Variants in PTPRD observed in about 807,000 individuals in gnomAD.
PTPRD encodes receptor-type tyrosine-protein phosphatase delta.
In PTPRD, 34 loss-of-function variants were observed where a neutral mutation model predicts 214.5. The observed-to-expected ratio is 0.16, with a 90% CI of 0.12 to 0.21. The LOEUF is 0.21. Among genes scored for constraint, PTPRD ranks in the 10% least tolerant of loss-of-function variants. The probability of loss-of-function intolerance (pLI) is 1.00; values close to 1 mark genes in which losing one functional copy is unlikely to be tolerated. For missense variants in PTPRD, 2,545 were observed against 2,398.7 expected (o/e 1.06, Z -1.27); for synonymous variants, 1,128 against 845.7 (o/e 1.33, Z -5.79).
intron 39 of PTPRD, among the ~76,000 whole-genome samples, chr9:8,370,759 C>T (rs909887936): frequency 6.6e-6 from 1 of 151,998 alleles, no homozygotes; most frequent in Non-Finnish European, 1.5e-5. Context: ...GAAAGGGGAG[C>T]TAAAAACCAT....
At chr9:10,141,541 C>G (rs1395569112) in intron 3 of PTPRD, among the ~76,000 whole-genome samples, 14 of 152,186 alleles carry the variant, frequency 9.2e-5, no homozygotes, top group African/African-American at 3.1e-4. Flanking sequence ...ATTCAACTTA[C>G]AAGGGATGTG....
chr9:9,657,622 AAAAAAG>A (rs2096544850), intron 7 of PTPRD, among the ~76,000 whole-genome samples: 1 of 152,216 alleles, frequency 6.6e-6, no homozygotes, highest in Non-Finnish European at 1.5e-5. Context: ...ATAAATAAGT[AAAAAAG>A]AAAAAGAAAA....
At chr9:9,054,367 G>A (rs1188416531) in intron 10 of PTPRD, among the ~76,000 whole-genome samples, 3 of 152,098 alleles carry the variant, frequency 2.0e-5, no homozygotes, top group South Asian at 2.1e-4. Context: ...AGACTTCTCT[G>A]GAAAGCTTAA....
chr9:9,495,310 C>CA (rs541722358), intron 8 of PTPRD, among the ~76,000 whole-genome samples: 3,634 of 84,482 alleles, frequency 0.043, 112 homozygotes, highest in African/African-American at 0.12. Flanking sequence ...ACCTTCAAGC[C>CA]AAAAAAAAAA....
At chr9:9,090,208 T>G (rs74909128) in intron 10 of PTPRD, among the ~76,000 whole-genome samples, 6,921 of 152,260 alleles carry the variant, frequency 0.045, 272 homozygotes, top group African/African-American at 0.11. Context: ...TTCATCTCCC[T>G]GGCCCTCCAT....
At chr9:8,525,064 G>T in intron 17 of PTPRD, 29 bp from the exon 18 acceptor site, 1 of 1,561,168 alleles carries the variant, frequency 6.4e-7, no homozygotes, top group Non-Finnish European at 8.8e-7. Flanking sequence ...TATTGCCAAA[G>T]AGATGATCAG....
At chr9:8,539,904 T>A (rs1302265775) in intron 14 of PTPRD, among the ~76,000 whole-genome samples, 1 of 152,028 alleles carries the variant, frequency 6.6e-6, no homozygotes, top group Non-Finnish European at 1.5e-5. Context: ...TAAGAACAAC[T>A]GGAAAAATGT....
chr9:9,407,866 T>G (rs557006132), intron 8 of PTPRD, among the ~76,000 whole-genome samples: 20 of 151,970 alleles, frequency 1.3e-4, no homozygotes, highest in Middle Eastern at 3.4e-3. Context: ...TTTCCTTTCC[T>G]CTCACGTAAT....
At chr9:8,900,741 A>G (rs1439214426) in intron 11 of PTPRD, among the ~76,000 whole-genome samples, 2 of 152,226 alleles carry the variant, frequency 1.3e-5, no homozygotes, top group African/African-American at 4.8e-5. Context: ...GAATAAACCA[A>G]ATTAGCACTG....
intron 5 of PTPRD, among the ~76,000 whole-genome samples, chr9:9,927,456 A>T (rs572334115): frequency 2.0e-5 from 3 of 152,062 alleles, no homozygotes; most frequent in Admixed American, 6.6e-5. Flanking sequence ...CATCTGCCCT[A>T]TTGGATTTAT....
At chr9:9,343,465 T>C (rs1041583765) in intron 9 of PTPRD, among the ~76,000 whole-genome samples, 4 of 152,310 alleles carry the variant, frequency 2.6e-5, no homozygotes, top group South Asian at 2.1e-4. Context: ...TGCATTTCTC[T>C]AATGACCAGT....
Position 10,067,966 on chromosome 9 carries a change from T to C in PTPRD, c.-544-34176A>G, listed in dbSNP as rs561070335. Among the ~76,000 whole-genome samples, 4 of 152,044 alleles carry C rather than the reference T, an allele frequency of 2.6e-5. No homozygotes were observed. In the South Asian group the frequency reaches 8.3e-4, roughly 32 times the overall value. On this transcript the variant is annotated intron_variant, in intron 3 of 45. Transcript: ENST00000381196. ...TTGGGAAGAGATGGCTCTTGGGATT[T>C]TGTGCTAGCTGACTCCAGCGCCACA... is the stretch of plus-strand genomic sequence containing the variant.
At chr9:9,326,411 C>T (rs1191558536) in intron 9 of PTPRD, among the ~76,000 whole-genome samples, 3 of 151,934 alleles carry the variant, frequency 2.0e-5, no homozygotes, top group African/African-American at 7.2e-5. Context: ...ATAAAAGTTG[C>T]TGTGCATATA....
intron 11 of PTPRD, among the ~76,000 whole-genome samples, chr9:8,906,542 A>C (rs995217479): frequency 2.0e-5 from 3 of 152,230 alleles, no homozygotes; most frequent in Non-Finnish European, 4.4e-5. Flanking sequence ...TGTAAGAAAT[A>C]TTTAAAAATT....
At chr9:9,312,865 T>C (rs773403361) in intron 9 of PTPRD, among the ~76,000 whole-genome samples, 6 of 152,214 alleles carry the variant, frequency 3.9e-5, no homozygotes, top group Non-Finnish European at 7.3e-5. Flanking sequence ...TACTTGTGAT[T>C]GTTTATTTTT....
At chr9:9,417,997 C>G (rs2077481083) in intron 8 of PTPRD, among the ~76,000 whole-genome samples, 1 of 152,038 alleles carries the variant, frequency 6.6e-6, no homozygotes, top group Non-Finnish European at 1.5e-5. Flanking sequence ...AAAGTTTTCG[C>G]TACTCTCCAC....
At chr9:9,626,769 T>G (rs952319304) in intron 7 of PTPRD, among the ~76,000 whole-genome samples, 2 of 152,150 alleles carry the variant, frequency 1.3e-5, no homozygotes, top group South Asian at 4.1e-4. Context: ...AGAGGTAAAA[T>G]GAAATGGCTC....
At chr9:9,476,919 G>C (rs1406194151) in intron 8 of PTPRD, among the ~76,000 whole-genome samples, 2 of 151,756 alleles carry the variant, frequency 1.3e-5, no homozygotes, top group African/African-American at 4.8e-5. Flanking sequence ...ATTTTCAGTA[G>C]GGACGGGGTT....
At chr9:10,125,423 T>TATTATTA (rs1554686398) in intron 3 of PTPRD, among the ~76,000 whole-genome samples, 1 of 133,556 alleles carries the variant, frequency 7.5e-6, no homozygotes, top group Non-Finnish European at 1.6e-5. Context: ...TTTGTTTTAT[T>TATTATTA]TTATTATTAT....
Sources: allele counts gnomAD v4.1 joint callset (sites outside exome capture counted in the v4.1 genomes callset), GRCh38; gene constraint gnomAD v4.1.1; transcripts MANE v1.5; gene names NCBI Gene and HGNC (gene_info 2026-07-23, HGNC 2026-07-21).